Variants in RALYL observed in about 807,000 individuals in gnomAD.
RALYL encodes RALY RNA binding protein like, also known as RNA-binding Raly-like protein.
A neutral mutation model predicts 35.1 loss-of-function variants in RALYL; 29 were observed. The ratio of observed to expected loss-of-function variants is 0.83; its 90% CI spans 0.61 to 1.13. The LOEUF (loss-of-function observed/expected upper bound fraction) is 1.13, where lower values mean the gene tolerates loss of function less well. RALYL is among the 50% of genes most tolerant of loss of function. RALYL has a pLI of 0.00. For synonymous variants in RALYL, 120 were observed against 127.6 expected (o/e 0.94, Z 0.40); for missense variants, 359 against 360.4 (o/e 1.00, Z 0.03).
At chr8:84,425,377 C>T (rs1273464656) in intron 1 of RALYL, among the ~76,000 whole-genome samples, 1 of 152,180 alleles carries the variant, frequency 6.6e-6, no homozygotes, top group Non-Finnish European at 1.5e-5. Context: ...TTGCGCTTCC[C>T]AGGTGAGGCA....
At chr8:84,294,222 G>A (rs1839331319) in intron 1 of RALYL, among the ~76,000 whole-genome samples, 1 of 152,110 alleles carries the variant, frequency 6.6e-6, no homozygotes, top group Non-Finnish European at 1.5e-5. Flanking sequence ...CGACAATTTA[G>A]GATTGTTGTA....
chr8:84,325,213 T>G (rs561927274), intron 1 of RALYL, among the ~76,000 whole-genome samples: 2 of 152,252 alleles, frequency 1.3e-5, no homozygotes, highest in South Asian at 4.1e-4. Flanking sequence ...TATTCAAAAT[T>G]TCATTATCGT....
At chr8:84,830,343 G>T (rs1830639155) in intron 4 of RALYL, among the ~76,000 whole-genome samples, 1 of 151,822 alleles carries the variant, frequency 6.6e-6, no homozygotes, top group Non-Finnish European at 1.5e-5. Flanking sequence ...CTATTTCTAA[G>T]AAATCTAAAG....
chr8:84,327,367 A>T (rs550404945), intron 1 of RALYL, among the ~76,000 whole-genome samples: 1 of 152,186 alleles, frequency 6.6e-6, no homozygotes. Context: ...ACAATTCCAC[A>T]GTGGCAGCCT....
chr8:84,334,648 T>G (rs1454943074), intron 1 of RALYL, among the ~76,000 whole-genome samples: 1 of 152,028 alleles, frequency 6.6e-6, no homozygotes, highest in Non-Finnish European at 1.5e-5. Context: ...ATTTTATTGG[T>G]TTTCCCTGTA....
intron 1 of RALYL, among the ~76,000 whole-genome samples, chr8:84,222,470 TC>T (rs1176141759): frequency 6.6e-6 from 1 of 152,004 alleles, no homozygotes; most frequent in Non-Finnish European, 1.5e-5. Context: ...CAACAGTGAG[TC>T]ATGGAAGCCC....
intron 1 of RALYL, among the ~76,000 whole-genome samples, chr8:84,325,916 G>C (rs981354751): frequency 2.0e-5 from 3 of 152,056 alleles, no homozygotes; most frequent in Non-Finnish European, 4.4e-5. Flanking sequence ...GATCTCTTGA[G>C]CTCAAGAGTT....
At chr8:84,523,858 T>C (rs2058673822) in intron 1 of RALYL, among the ~76,000 whole-genome samples, 1 of 152,122 alleles carries the variant, frequency 6.6e-6, no homozygotes, top group Admixed American at 6.5e-5. Context: ...TCATTTTTTA[T>C]GGCTGCATAG....
intron 1 of RALYL, among the ~76,000 whole-genome samples, chr8:84,458,247 G>A (rs1372423129): frequency 6.6e-6 from 1 of 151,798 alleles, no homozygotes; most frequent in African/African-American, 2.4e-5. Context: ...TATTACAAAT[G>A]TCAAAGATGA....
intron 2 of RALYL, among the ~76,000 whole-genome samples, chr8:84,604,717 T>A (rs1265015545): frequency 6.6e-6 from 1 of 152,136 alleles, no homozygotes; most frequent in Non-Finnish European, 1.5e-5. Flanking sequence ...TAACCTCATA[T>A]CAATTTGAGA....
At chr8:84,219,697 T>C (rs925402711) in intron 1 of RALYL, among the ~76,000 whole-genome samples, 2 of 151,478 alleles carry the variant, frequency 1.3e-5, no homozygotes, top group Non-Finnish European at 2.9e-5. Flanking sequence ...CATAACTGAG[T>C]AAAAGGAAAT....
chr8:84,533,612 A>G (rs1208473637), intron 2 of RALYL, among the ~76,000 whole-genome samples: 32 of 152,220 alleles, frequency 2.1e-4, no homozygotes, highest in Non-Finnish European at 2.1e-4. Flanking sequence ...ATCTAGAGCA[A>G]TCATTTTTGT....
chr8:84,354,091 A>G (rs1285797006), intron 1 of RALYL, among the ~76,000 whole-genome samples: 1 of 148,704 alleles, frequency 6.7e-6, no homozygotes, highest in African/African-American at 2.5e-5. Context: ...ACAGCCCTTT[A>G]AAAGAAAGTG....
intron 8 of RALYL, among the ~76,000 whole-genome samples, chr8:84,894,558 G>T (rs1301601205): frequency 1.3e-5 from 2 of 152,174 alleles, no homozygotes; most frequent in Non-Finnish European, 2.9e-5. Context: ...AACAGCCATG[G>T]TGAATGTGTC....
rs796121435 is a variant in RALYL at position 84,873,721 on chromosome 8, G to GA, written c.685+326dup. On this transcript the variant is annotated intron_variant, in intron 7 of 8. Transcript: ENST00000521268. Reference sequence around the variant, plus strand: ...TTTCAGAAAATAAAATCAATTAACAGAATAATGCTATCAGGCTAACATAAT... The same window carrying GA: ...TTTCAGAAAATAAAATCAATTAACAGAAATAATGCTATCAGGCTAACATAAT... 3.3e-5 allele frequency among the ~76,000 whole-genome samples: 5 copies of GA among 152,128 alleles called. 1 individual carries two copies. Among genetic ancestry groups the GA allele is most frequent in the African/African-American group, 1.2e-4 (5 of 41,498 alleles).
intron 1 of RALYL, among the ~76,000 whole-genome samples, chr8:84,201,247 G>A (rs1423003165): frequency 1.4e-5 from 2 of 143,432 alleles, no homozygotes; most frequent in South Asian, 2.3e-4. Context: ...ATGTTAATCT[G>A]TATAGTCTTT....
chr8:84,358,824 C>T (rs1563786184), intron 1 of RALYL, among the ~76,000 whole-genome samples: 2 of 151,944 alleles, frequency 1.3e-5, no homozygotes, highest in African/African-American at 2.4e-5. Flanking sequence ...AAGACTCTTG[C>T]AGAGATTCTT....
chr8:84,274,180 G>A lies in RALYL; in HGVS notation c.-24+89756G>A, dbSNP rs367590216. ...AACCATAGTACTTAAATGTGGTAGC[G>A]CTGGTGGTGGTGATGCATATGTGTG... On this transcript the variant is annotated intron_variant, in intron 1 of 8. Coordinates refer to ENST00000521268, the MANE Select transcript of RALYL (RefSeq NM_173848.7). Among the ~76,000 whole-genome samples the A allele has an allele frequency of 5.1e-4, 77 of 152,228 alleles. No homozygotes were observed. The South Asian group carries it at 0.011, about 22-fold the overall frequency.
At chr8:84,609,969 G>A (rs1817937808) in intron 2 of RALYL, among the ~76,000 whole-genome samples, 1 of 152,036 alleles carries the variant, frequency 6.6e-6, no homozygotes, top group Non-Finnish European at 1.5e-5. Flanking sequence ...CAGATCTCAT[G>A]AGACTTATTC....
Sources: allele counts gnomAD v4.1 joint callset (sites outside exome capture counted in the v4.1 genomes callset), GRCh38; gene constraint gnomAD v4.1.1; transcripts MANE v1.5; gene names NCBI Gene and HGNC (gene_info 2026-07-23, HGNC 2026-07-21).